Variants in LPP observed in about 807,000 individuals in gnomAD.
LPP encodes the protein lipoma-preferred partner.
Under a neutral mutation model 60.4 loss-of-function variants are expected in LPP, and 38 were observed. That is an observed-to-expected ratio of 0.63 (90% confidence interval 0.49 to 0.83). The LOEUF (loss-of-function observed/expected upper bound fraction) is 0.83. Among genes scored for constraint, LPP ranks in the 40% least tolerant of loss-of-function variants. LPP has a pLI of 0.00. For missense variants in LPP, 902 were observed against 783.6 expected, an observed-to-expected ratio of 1.15 and a Z score of -1.80; for synonymous variants, 328 against 290.8, an observed-to-expected ratio of 1.13 and a Z score of -1.30.
chr3:188,793,373 C>T (rs529543166), intron 9 of LPP, among the ~76,000 whole-genome samples: 1 of 151,836 alleles, frequency 6.6e-6, no homozygotes, highest in South Asian at 2.1e-4. Flanking sequence ...GCAGAGATGG[C>T]GTTTTGTCAT....
intron 9 of LPP, among the ~76,000 whole-genome samples, chr3:188,788,794 C>G (rs774315614): frequency 2.2e-4 from 33 of 152,190 alleles, no homozygotes; most frequent in Non-Finnish European, 8.8e-5. Context: ...CACGCCCCCC[C>G]GGCTCTAAAC....
intron 2 of LPP, among the ~76,000 whole-genome samples, chr3:188,317,380 C>T (rs756211981): frequency 2.2e-4 from 33 of 152,122 alleles, no homozygotes; most frequent in Non-Finnish European, 2.2e-4. Context: ...ATGGAAAGCA[C>T]GCTGGGCCAG....
At chr3:188,664,400 G>C (rs1855300020) in intron 7 of LPP, among the ~76,000 whole-genome samples, 1 of 152,188 alleles carries the variant, frequency 6.6e-6, no homozygotes, top group Non-Finnish European at 1.5e-5. Flanking sequence ...GTTACACATG[G>C]TGTTTCAAGT....
At chr3:188,402,810 C>G (rs1186668015) in intron 3 of LPP, among the ~76,000 whole-genome samples, 1 of 152,060 alleles carries the variant, frequency 6.6e-6, no homozygotes, top group Non-Finnish European at 1.5e-5. Context: ...TATAAGTATG[C>G]CGAAAGTACT....
intron 2 of LPP, among the ~76,000 whole-genome samples, chr3:188,232,354 C>CT (rs200085672): frequency 0.017 from 2,551 of 148,918 alleles, 65 homozygotes; most frequent in African/African-American, 0.056. Flanking sequence ...TCATCTTATT[C>CT]TTTTTTTTTT....
intron 8 of LPP, among the ~76,000 whole-genome samples, chr3:188,719,368 G>T (rs776775199): frequency 1.3e-5 from 2 of 152,104 alleles, no homozygotes; most frequent in Non-Finnish European, 2.9e-5. Flanking sequence ...AAGATTGTCC[G>T]TTTAAAGTAA....
At chr3:188,476,456 C>A (rs2149578352) in intron 4 of LPP, among the ~76,000 whole-genome samples, 1 of 147,708 alleles carries the variant, frequency 6.8e-6, no homozygotes, top group South Asian at 2.1e-4. Context: ...TAAGTTACTT[C>A]TTTGGTAGGA....
chr3:188,838,772 C>T (rs1273498636), intron 9 of LPP, among the ~76,000 whole-genome samples: 1 of 152,066 alleles, frequency 6.6e-6, no homozygotes, highest in Non-Finnish European at 1.5e-5. Context: ...AACCAAACAC[C>T]ACATGTTCTC....
At chr3:188,617,033 T>C (rs1844975877) in intron 7 of LPP, among the ~76,000 whole-genome samples, 1 of 152,212 alleles carries the variant, frequency 6.6e-6, no homozygotes, top group South Asian at 2.1e-4. Flanking sequence ...GTTGATGCAA[T>C]TGTTTATTTC....
At chr3:188,696,494 A>T (rs951628179) in intron 7 of LPP, among the ~76,000 whole-genome samples, 1 of 152,066 alleles carries the variant, frequency 6.6e-6, no homozygotes, top group African/African-American at 2.4e-5. Context: ...TTAGACAGAG[A>T]AATTGCTTGA....
At chr3:188,695,336 G>T (rs1389331098) in intron 7 of LPP, among the ~76,000 whole-genome samples, 3 of 152,124 alleles carry the variant, frequency 2.0e-5, no homozygotes, top group African/African-American at 7.2e-5. Flanking sequence ...ATTAAATGTT[G>T]CTGGTCTTTA....
upstream of LPP, chr3:188,154,148 T>A: frequency 5.2e-6 from 1 of 192,220 alleles, no homozygotes; most frequent in Non-Finnish European, 1.0e-5. Context: ...GGAGGGGGAG[T>A]GCCCGGGCAC....
chr3:188,411,744 C>T (rs1198388337), intron 4 of LPP, among the ~76,000 whole-genome samples: 1 of 152,102 alleles, frequency 6.6e-6, no homozygotes, highest in East Asian at 1.9e-4. Flanking sequence ...ACAACAACAG[C>T]AATTAAACTC....
chr3:188,168,774 T>C (rs1720742438), intron 1 of LPP, among the ~76,000 whole-genome samples: 2 of 152,252 alleles, frequency 1.3e-5, no homozygotes. Flanking sequence ...GAGCCTCATA[T>C]TTCTCACTTG....
At chr3:188,318,753 CTTTTTTTTTTTT>C (rs10708836) in intron 2 of LPP, among the ~76,000 whole-genome samples, 1 of 96,888 alleles carries the variant, frequency 1.0e-5, no homozygotes, top group East Asian at 3.0e-4. Flanking sequence ...AATTATGATT[CTTTTTTTTTTTT>C]TTTTTTTTTT....
At chr3:188,591,163 G>A (rs921307393) in intron 6 of LPP, among the ~76,000 whole-genome samples, 6 of 152,108 alleles carry the variant, frequency 3.9e-5, no homozygotes, top group African/African-American at 1.4e-4. Context: ...CACTTATGTT[G>A]TGCTTTCCCA....
intron 8 of LPP, among the ~76,000 whole-genome samples, chr3:188,755,242 G>C (rs1729745833): frequency 6.6e-6 from 1 of 152,098 alleles, no homozygotes; most frequent in Admixed American, 6.5e-5. Context: ...ATGTGACCTG[G>C]CTTTACATCT....
At position 188,773,097 on chromosome 3, in the gene LPP, T is replaced by A. The variant is rs148439283; in HGVS notation, c.1410+12815T>A. Among the ~76,000 whole-genome samples, 339 of 152,284 alleles carry A rather than the reference T, an allele frequency of 2.2e-3. 1 individual carries two copies. The highest frequency in any genetic ancestry group is 7.8e-3 in the African/African-American group (324 of 41,562). The stretch of plus-strand genomic sequence containing the variant: ...AAGGTCAAACACACTGACTCACCCA[T>A]GAAAATTGCCAAGGAGTTTGAGTGG... On this transcript the variant is annotated intron_variant, in intron 9 of 11. Transcript: ENST00000617246.
At chr3:188,323,868 G>A (rs1171475321) in intron 2 of LPP, among the ~76,000 whole-genome samples, 2 of 152,146 alleles carry the variant, frequency 1.3e-5, no homozygotes, top group Non-Finnish European at 2.9e-5. Flanking sequence ...TTTTCTCCTG[G>A]GATTGAATCC....
Sources: allele counts gnomAD v4.1 joint callset (sites outside exome capture counted in the v4.1 genomes callset), GRCh38; gene constraint gnomAD v4.1.1; transcripts MANE v1.5; gene names NCBI Gene and HGNC (gene_info 2026-07-23, HGNC 2026-07-21).